Variants in LMO7 observed in about 807,000 individuals in gnomAD.
The protein encoded by LMO7 is LIM domain 7.
A neutral mutation model predicts 206.5 loss-of-function variants in LMO7; 120 were observed. The observed-to-expected ratio is 0.58, with a 90% CI of 0.50 to 0.68. The LOEUF is 0.68. Ranked by LOEUF, LMO7 falls within the 30% of genes least tolerant of loss-of-function variation. The pLI, the probability that LMO7 is intolerant of heterozygous loss-of-function variation, is 0.00. For missense variants in LMO7, 1,959 were observed against 1,957.9 expected (o/e 1.00, Z -0.01); for synonymous variants, 706 against 681.5 (o/e 1.04, Z -0.56).
intron 3 of LMO7, among the ~76,000 whole-genome samples, chr13:75,759,911 A>G (rs896110455): frequency 3.9e-5 from 6 of 152,132 alleles, no homozygotes; most frequent in African/African-American, 1.4e-4. Flanking sequence ...CACGCCATAG[A>G]GGCAGCATTA....
At chr13:75,781,707 A>T (rs2051473623) in intron 4 of LMO7, among the ~76,000 whole-genome samples, 1 of 151,326 alleles carries the variant, frequency 6.6e-6, no homozygotes, top group Non-Finnish European at 1.5e-5. Context: ...CGCCACACTG[A>T]CTTCCACAAT....
At chr13:75,702,449 C>T (rs1370591550) in intron 1 of LMO7, among the ~76,000 whole-genome samples, 1 of 152,180 alleles carries the variant, frequency 6.6e-6, no homozygotes. Flanking sequence ...CTGATTACCA[C>T]TATCTTGGAA....
chr13:75,760,814 C>T (rs190818792), intron 3 of LMO7, 118 bp from the exon 4 acceptor site: 1 of 1,551,674 alleles, frequency 6.4e-7, no homozygotes, highest in South Asian at 1.2e-5. Context: ...GGTCTTGCTG[C>T]TGCCTCTTTT....
At chr13:75,714,562 G>A (rs938794306) in intron 2 of LMO7, among the ~76,000 whole-genome samples, 4 of 152,110 alleles carry the variant, frequency 2.6e-5, no homozygotes, top group Non-Finnish European at 4.4e-5. Flanking sequence ...TTCACCTAAC[G>A]TATAGGTGAC....
chr13:75,633,588 T>C (rs952698654), upstream of LMO7, among the ~76,000 whole-genome samples: 1 of 152,060 alleles, frequency 6.6e-6, no homozygotes, highest in African/African-American at 2.4e-5. Context: ...CAGCCTGGTT[T>C]TTTCAATAAG....
At chr13:75,765,689 A>G (rs754841737) in intron 4 of LMO7, among the ~76,000 whole-genome samples, 32 of 152,132 alleles carry the variant, frequency 2.1e-4, no homozygotes, top group Non-Finnish European at 3.5e-4. Flanking sequence ...TGAATATCTA[A>G]GAGTCCTAGC....
At chr13:75,811,674 C>A (rs2056415722) in intron 11 of LMO7, among the ~76,000 whole-genome samples, 1 of 152,130 alleles carries the variant, frequency 6.6e-6, no homozygotes, top group South Asian at 2.1e-4. Context: ...GTCAGTTTGT[C>A]TGTTTATTTT....
upstream of LMO7, among the ~76,000 whole-genome samples, chr13:75,635,259 C>T (rs1489948045): frequency 6.6e-6 from 1 of 152,046 alleles, no homozygotes; most frequent in African/African-American, 2.4e-5. Context: ...GAGTAAGAAC[C>T]GGTCTTTGTC....
upstream of LMO7, among the ~76,000 whole-genome samples, chr13:75,634,866 C>A (rs1017810758): frequency 1.6e-4 from 25 of 151,620 alleles, no homozygotes; most frequent in Non-Finnish European, 3.4e-4. Context: ...ACTAGCTGGG[C>A]ATGGTGGTGG....
At chr13:75,814,871 A>T (rs1157616256) in intron 11 of LMO7, among the ~76,000 whole-genome samples, 2 of 152,170 alleles carry the variant, frequency 1.3e-5, no homozygotes, top group African/African-American at 4.8e-5. Context: ...CAGATTGAAT[A>T]GTAGGGGGAA....
rs1301294367 is a variant in LMO7, at chr13:75,834,157, T to A, written c.3065-69T>A. ...AAATTCAGAGTCATTTTTCTTAAGT[T>A]CAAAGCAGCAACTAATAGAACATGT... On this transcript the variant is annotated intron_variant, in intron 16 of 30. Coordinates refer to ENST00000377534, the MANE Select transcript of LMO7 (RefSeq NM_001306080.2). The A allele has an allele frequency of 3.0e-5, 36 of 1,203,562 alleles. No individual in the cohort carries two copies. The Admixed American group carries it at 8.6e-4, about 29-fold the overall frequency. 74.6% of individuals were successfully genotyped at this position (1,203,562 alleles called of 1,614,324 possible).
At chr13:75,774,071 A>C (rs2050078127) in intron 4 of LMO7, among the ~76,000 whole-genome samples, 1 of 151,850 alleles carries the variant, frequency 6.6e-6, no homozygotes, top group African/African-American at 2.4e-5. Flanking sequence ...CTTTTGTTTT[A>C]CTTTTTTTTC....
At chr13:75,831,695 C>G (rs1304188744) in intron 15 of LMO7, among the ~76,000 whole-genome samples, 2 of 152,086 alleles carry the variant, frequency 1.3e-5, no homozygotes, top group Admixed American at 1.3e-4. Context: ...TTATAACAAC[C>G]TGCTCTTGTG....
chr13:75,795,336 T>C (rs1344582492), intron 4 of LMO7, 65 bp from the exon 5 acceptor site: 5 of 1,111,200 alleles, frequency 4.5e-6, no homozygotes, highest in Non-Finnish European at 6.6e-6. Context: ...TGAGTTTTTT[T>C]CTAGCTATAA....
intron 1 of LMO7, among the ~76,000 whole-genome samples, chr13:75,665,612 C>T (rs1160887319): frequency 1.3e-5 from 2 of 152,138 alleles, no homozygotes; most frequent in South Asian, 2.1e-4. Context: ...CGGCAACCTC[C>T]GCCTCCTGGG....
chr13:75,702,206 G>A (rs1213104705), intron 1 of LMO7, among the ~76,000 whole-genome samples: 1 of 152,026 alleles, frequency 6.6e-6, no homozygotes, highest in Non-Finnish European at 1.5e-5. Context: ...TTAATTATCT[G>A]GGCACACAAC....
chr13:75,640,359 C>T (rs1202511379), intron 1 of LMO7, among the ~76,000 whole-genome samples: 3 of 152,272 alleles, frequency 2.0e-5, no homozygotes, highest in African/African-American at 7.2e-5. Flanking sequence ...GCAACAAATG[C>T]TCCCTAATCC....
chr13:75,669,165 C>A (rs1161256640), intron 1 of LMO7, among the ~76,000 whole-genome samples: 1 of 152,068 alleles, frequency 6.6e-6, no homozygotes, highest in Non-Finnish European at 1.5e-5. Context: ...AGTAAGTGGT[C>A]AGTGGTTCTT....
intron 1 of LMO7, chr13:75,621,989 G>A: frequency 1.8e-6 from 1 of 555,200 alleles, no homozygotes; most frequent in Middle Eastern, 3.8e-4. Flanking sequence ...AGGAAGGCAA[G>A]AAGTAAATAC....
Sources: gnomAD v4.1 joint callset for allele counts (sites outside exome capture counted in the v4.1 genomes callset) on GRCh38, gnomAD v4.1.1 for gene constraint, MANE v1.5 for transcripts, NCBI Gene and HGNC (gene_info 2026-07-23, HGNC 2026-07-21) for gene names.